The following ANKRD44 variants were observed in gnomAD, a reference collection of about 807,000 sequenced individuals.
The protein encoded by ANKRD44 is ankyrin repeat domain 44, also known as serine/threonine-protein phosphatase 6 regulatory ankyrin repeat subunit B.
In ANKRD44, 35 loss-of-function variants were observed where a neutral mutation model predicts 116.0. That is an observed-to-expected ratio of 0.30 (90% CI 0.23 to 0.40). ANKRD44 has a LOEUF of 0.40. ANKRD44 is among the 10% of genes least tolerant of loss of function. The pLI is 1.00. For synonymous variants in ANKRD44, 435 were observed against 461.8 expected (o/e 0.94, Z 0.74); for missense variants, 1,014 against 1,242.6 (o/e 0.82, Z 2.77).
At chr2:197,180,201 C>T (rs2080470334) in intron 2 of ANKRD44, among the ~76,000 whole-genome samples, 1 of 152,114 alleles carries the variant, frequency 6.6e-6, no homozygotes, top group African/African-American at 2.4e-5. Flanking sequence ...GCCAGAGAAA[C>T]CTTCATCACT....
intron 21 of ANKRD44, among the ~76,000 whole-genome samples, chr2:196,970,803 G>C (rs901982231): frequency 2.0e-5 from 3 of 152,140 alleles, no homozygotes; most frequent in Admixed American, 6.6e-5. Flanking sequence ...CTGGTCTCAA[G>C]TGGTCCTCTC....
At chr2:197,279,679 C>A (rs1199612667) in intron 1 of ANKRD44, among the ~76,000 whole-genome samples, 6 of 152,136 alleles carry the variant, frequency 3.9e-5, no homozygotes, top group Non-Finnish European at 8.8e-5. Context: ...CCTAGTTTGT[C>A]CTACTACGAG....
intron 2 of ANKRD44, among the ~76,000 whole-genome samples, chr2:197,166,597 A>G (rs2080106678): frequency 6.6e-6 from 1 of 152,260 alleles, no homozygotes; most frequent in Admixed American, 6.5e-5. Context: ...GAGAAGAAGA[A>G]TCACTGACAA....
Position 197,125,269 on chromosome 2 carries a change from C to T in ANKRD44, c.550+112G>A, listed in dbSNP as rs2125338382. On this transcript the variant is annotated intron_variant, in intron 6 of 27. Coordinates refer to ENST00000282272, the MANE Select transcript of ANKRD44 (RefSeq NM_001195144.2). The stretch of plus-strand genomic sequence containing the variant: ...CAACCAAATCTTCATTCAATTGCAA[C>T]CCAAGCTTGAAAAGAAGTCAGACTG... 9.9e-6 allele frequency: 10 copies of T among 1,007,944 alleles called. No homozygotes were observed. In the South Asian group the frequency reaches 1.1e-4, roughly 11 times the overall value. The allele number at this position is 1,007,944 out of a possible 1,614,324, so 62.4% of individuals were successfully genotyped here.
chr2:197,310,417 C>T lies in ANKRD44; in HGVS notation c.27+161G>A, dbSNP rs1209013114. Among the ~76,000 whole-genome samples the T allele has an allele frequency of 5.4e-5, 8 of 147,436 alleles. No homozygotes were observed. In the East Asian group the frequency reaches 1.6e-3, roughly 29 times the overall value. ...GGGACGGCGCGGCGGAGGGGAGCTG[C>T]CGCCGCGGGCTCTCGGAGGCACCGG... On this transcript the variant is annotated intron_variant, in intron 1 of 27. Coordinates refer to ENST00000282272, the MANE Select transcript of ANKRD44 (RefSeq NM_001195144.2).
At chr2:197,161,067 A>G (rs1389242299) in intron 2 of ANKRD44, among the ~76,000 whole-genome samples, 1 of 152,208 alleles carries the variant, frequency 6.6e-6, no homozygotes, top group Non-Finnish European at 1.5e-5. Flanking sequence ...CCCTTTCTAA[A>G]TTGAGCCAGT....
At chr2:197,022,055 A>G (rs1213992178) in intron 17 of ANKRD44, among the ~76,000 whole-genome samples, 1 of 152,212 alleles carries the variant, frequency 6.6e-6, no homozygotes, top group East Asian at 1.9e-4. Context: ...AGGAAATAGT[A>G]ACTCAAGGCA....
intron 1 of ANKRD44, among the ~76,000 whole-genome samples, chr2:197,236,450 A>C (rs1304129118): frequency 6.6e-6 from 1 of 152,176 alleles, no homozygotes; most frequent in Non-Finnish European, 1.5e-5. Context: ...GCAGGAGAAC[A>C]TATGCACAGT....
Position 196,993,585 on chromosome 2 carries a change from T to C in ANKRD44, c.2921A>G (p.Asn974Ser), listed in dbSNP as rs1466073569. ...CGCTGTTGACTTTTTCCACTTACCA[T>C]TTTCATCTACAGCAAGTACACAGGC... is the stretch of plus-strand genomic sequence containing the variant. Reference protein sequence around the residue: ...KGACVLAVDENASRSNGPRST... With the variant: ...KGACVLAVDESASRSNGPRST... Residue 974 changes from asparagine (N) to serine (S), a missense_variant and splice_region_variant, in exon 27 of 28, where the codon AAT becomes AGT. Asn to Ser is a conservative substitution (Grantham distance 46). Coordinates refer to ENST00000282272, the MANE Select transcript of ANKRD44 (RefSeq NM_001195144.2). The C allele has an allele frequency of 9.7e-6, 15 of 1,548,558 alleles. No individual in the cohort carries two copies. The highest frequency in any genetic ancestry group is 1.1e-5 in the Non-Finnish European group (13 of 1,145,610).
Position 196,989,379 on chromosome 2 carries a change from C to T in ANKRD44, c.*212G>A, listed in dbSNP as rs762815743. 3 of 1,129,332 alleles carry T rather than the reference C, an allele frequency of 2.7e-6. 1 individual carries two copies. The highest frequency in any genetic ancestry group is 3.3e-6 in the Non-Finnish European group (3 of 921,406). The allele number at this position is 1,129,332 out of a possible 1,614,324, so 70.0% of individuals were successfully genotyped here. A position where few individuals can be genotyped will look rare whatever the true frequency, so the allele number is the denominator to read the frequency against. On this transcript the variant is annotated 3_prime_UTR_variant, in exon 28 of 28. Coordinates refer to ENST00000282272, the MANE Select transcript of ANKRD44 (RefSeq NM_001195144.2). Reference sequence around the variant, plus strand: ...ATATAAAATACAACAAAGACTGGTACACAGAAAGATTACATTTAACTCCAT... The same window carrying T: ...ATATAAAATACAACAAAGACTGGTATACAGAAAGATTACATTTAACTCCAT...
intron 16 of ANKRD44, among the ~76,000 whole-genome samples, chr2:197,064,088 C>T (rs1169938467): frequency 6.6e-6 from 1 of 152,204 alleles, no homozygotes; most frequent in Non-Finnish European, 1.5e-5. Flanking sequence ...GCCCATCAGA[C>T]TAACAGCTGA....
intron 2 of ANKRD44, among the ~76,000 whole-genome samples, chr2:197,151,090 T>C (rs1227531865): frequency 1.3e-5 from 2 of 149,588 alleles, no homozygotes; most frequent in African/African-American, 4.9e-5. Flanking sequence ...ACTTTTTTTT[T>C]TTTAATCCAG....
At chr2:197,277,004 T>C (rs1025490080) in intron 1 of ANKRD44, among the ~76,000 whole-genome samples, 3 of 150,864 alleles carry the variant, frequency 2.0e-5, no homozygotes, top group Non-Finnish European at 4.4e-5. Flanking sequence ...CTCGGCTCAC[T>C]GCAAGCTCTG....
At chr2:197,109,134 C>T (rs2078506124) in intron 9 of ANKRD44, among the ~76,000 whole-genome samples, 1 of 152,184 alleles carries the variant, frequency 6.6e-6, no homozygotes. Flanking sequence ...CTTGAAGTTG[C>T]TCTAAAAGGG....
At chr2:197,124,872 C>G (rs976453746) in intron 6 of ANKRD44, among the ~76,000 whole-genome samples, 1 of 152,236 alleles carries the variant, frequency 6.6e-6, no homozygotes, top group South Asian at 2.1e-4. Context: ...ATGAGGGCTG[C>G]AGGCTTCAGT....
At chr2:197,110,564 G>A (rs1200502203) in intron 9 of ANKRD44, among the ~76,000 whole-genome samples, 3 of 152,102 alleles carry the variant, frequency 2.0e-5, no homozygotes, top group Non-Finnish European at 2.9e-5. Context: ...GTGAAACTGT[G>A]GCTTTATGTT....
intron 2 of ANKRD44, among the ~76,000 whole-genome samples, chr2:197,170,547 A>T (rs1027970269): frequency 6.6e-6 from 1 of 152,248 alleles, no homozygotes; most frequent in Non-Finnish European, 1.5e-5. Flanking sequence ...TGACTGAGTC[A>T]CTGGCAGCAA....
chr2:197,073,004 ATT>A (rs1385767563), intron 16 of ANKRD44, among the ~76,000 whole-genome samples: 1 of 152,170 alleles, frequency 6.6e-6, no homozygotes, highest in Admixed American at 6.5e-5. Flanking sequence ...GACTCCTAAC[ATT>A]GTTAAACTTA....
At chr2:197,205,463 G>A (rs2081184783) in intron 1 of ANKRD44, among the ~76,000 whole-genome samples, 1 of 152,140 alleles carries the variant, frequency 6.6e-6, no homozygotes. Flanking sequence ...GCGAAGTGAT[G>A]TCCTCCACCC....
Sources: gnomAD v4.1 joint callset for allele counts (sites outside exome capture counted in the v4.1 genomes callset) on GRCh38, gnomAD v4.1.1 for gene constraint, MANE v1.5 for transcripts, NCBI Gene and HGNC (gene_info 2026-07-23, HGNC 2026-07-21) for gene names.